The following MORN5 variants were observed in gnomAD, a reference collection of about 807,000 sequenced individuals.
MORN5 encodes MORN repeat-containing protein 5.
MORN5 carries 21 observed loss-of-function variants against 22.1 expected under a neutral mutation model. The observed-to-expected ratio is 0.95, with a 90% CI of 0.67 to 1.37. MORN5 has a LOEUF of 1.37. Ranked by LOEUF, MORN5 falls within the 40% of genes most tolerant of loss-of-function variation. The pLI is 0.00. For missense variants in MORN5, 211 were observed against 215.1 expected (o/e 0.98, Z 0.12); for synonymous variants, 73 against 74.0 (o/e 0.99, Z 0.07).
At chr9:122,167,039 C>A in intron 2 of MORN5, 124 bp downstream of exon 2, 6 of 788,126 alleles carry the variant, frequency 7.6e-6, no homozygotes, top group African/African-American at 3.7e-5. Context: ...CTCTTTGCTT[C>A]TCCCCCACTC....
At chr9:122,170,747 G>C in intron 3 of MORN5, among the ~76,000 whole-genome samples, 1 of 152,278 alleles carries the variant, frequency 6.6e-6, no homozygotes, top group East Asian at 1.9e-4. Context: ...TCTCATCATG[G>C]AGGGCTACAT....
chr9:122,187,223 G>T (rs1164049635), intron 4 of MORN5, among the ~76,000 whole-genome samples: 1 of 152,216 alleles, frequency 6.6e-6, no homozygotes, highest in Non-Finnish European at 1.5e-5. Flanking sequence ...AAAAGCAGGG[G>T]CCTCCTTAAC....
chr9:122,192,569 C>G (rs1416573952), intron 4 of MORN5, among the ~76,000 whole-genome samples: 1 of 152,220 alleles, frequency 6.6e-6, no homozygotes, highest in African/African-American at 2.4e-5. Context: ...ACTAATGTCA[C>G]CTGGTGACCT....
intron 4 of MORN5, among the ~76,000 whole-genome samples, chr9:122,196,676 T>G (rs1829899946): frequency 6.6e-6 from 1 of 152,198 alleles, no homozygotes; most frequent in Admixed American, 6.5e-5. Context: ...CAATACCCAT[T>G]AGTGAAAGAA....
chr9:122,163,614 G>GTTT (rs1829233619), intron 1 of MORN5, among the ~76,000 whole-genome samples: 1 of 152,216 alleles, frequency 6.6e-6, no homozygotes, highest in Non-Finnish European at 1.5e-5. Context: ...GGGCACGTAT[G>GTTT]GAGTAGAGCT....
At chr9:122,183,641 T>C (rs1303003552) in intron 4 of MORN5, among the ~76,000 whole-genome samples, 1 of 152,198 alleles carries the variant, frequency 6.6e-6, no homozygotes, top group African/African-American at 2.4e-5. Context: ...TCATCAGAAA[T>C]GCCGTCAAGA....
chr9:122,183,007 G>A (rs1038084051), intron 4 of MORN5, among the ~76,000 whole-genome samples: 1 of 152,318 alleles, frequency 6.6e-6, no homozygotes. Context: ...ATAGGGGCAT[G>A]TCTGATTTAT....
intron 4 of MORN5, among the ~76,000 whole-genome samples, chr9:122,183,788 C>T (rs1311701743): frequency 1.3e-5 from 2 of 152,232 alleles, no homozygotes; most frequent in African/African-American, 4.8e-5. Context: ...CTTAATCGTG[C>T]TGCTCTTCAA....
chr9:122,176,248 C>T (rs1829450433), intron 4 of MORN5, among the ~76,000 whole-genome samples: 1 of 152,108 alleles, frequency 6.6e-6, no homozygotes, highest in African/African-American at 2.4e-5. Flanking sequence ...CTCCAAGTCC[C>T]CCAGCTCACA....
intron 4 of MORN5, among the ~76,000 whole-genome samples, chr9:122,196,244 C>G (rs1588320581): frequency 6.6e-6 from 1 of 152,034 alleles, no homozygotes; most frequent in African/African-American, 2.4e-5. Flanking sequence ...CAGTTATGAG[C>G]CACCACGCCC....
chr9:122,187,288 C>T (rs1048523974), intron 4 of MORN5, among the ~76,000 whole-genome samples: 12 of 152,236 alleles, frequency 7.9e-5, no homozygotes, highest in African/African-American at 2.4e-4. Context: ...AGTCTGGCCT[C>T]CTCCCATCTG....
intron 1 of MORN5, among the ~76,000 whole-genome samples, chr9:122,161,381 G>A (rs1829196955): frequency 6.6e-6 from 1 of 152,228 alleles, no homozygotes; most frequent in African/African-American, 2.4e-5. Flanking sequence ...TTCCAGGTAA[G>A]AAAGGTGACC....
rs551394087 is a variant in MORN5 at position 122,170,733 on chromosome 9, C to T, written c.307+977C>T. Reference sequence around the variant, plus strand: ...TATCATGCTACCTCCCTGCAAAAACCGTGTCTCATCATGGAGGGCTACATT... The same window carrying T: ...TATCATGCTACCTCCCTGCAAAAACTGTGTCTCATCATGGAGGGCTACATT... On this transcript the variant is annotated intron_variant, in intron 3 of 4. Transcript: ENST00000373764. 3.9e-5 allele frequency among the ~76,000 whole-genome samples: 6 copies of T among 152,296 alleles called. No homozygotes were observed. In the South Asian group the frequency reaches 6.2e-4, roughly 16 times the overall value.
chr9:122,160,331 C>T (rs925943141), intron 1 of MORN5, among the ~76,000 whole-genome samples: 1 of 152,032 alleles, frequency 6.6e-6, no homozygotes, highest in Non-Finnish European at 1.5e-5. Context: ...TGCCAATAAA[C>T]AAATAAGTGA....
chr9:122,199,108 G>A (rs921533519), intron 4 of MORN5, among the ~76,000 whole-genome samples: 5 of 152,152 alleles, frequency 3.3e-5, no homozygotes, highest in African/African-American at 7.2e-5. Flanking sequence ...TGATGGCAGC[G>A]TGCTGTGGAC....
intron 1 of MORN5, among the ~76,000 whole-genome samples, chr9:122,162,781 T>C (rs925982986): frequency 6.6e-6 from 1 of 152,150 alleles, no homozygotes; most frequent in Non-Finnish European, 1.5e-5. Flanking sequence ...AAATCTATGG[T>C]GACAGAAAGT....
intron 4 of MORN5, among the ~76,000 whole-genome samples, chr9:122,184,710 C>T (rs538203234): frequency 2.0e-5 from 3 of 152,340 alleles, no homozygotes; most frequent in African/African-American, 7.2e-5. Context: ...TTAATCTCCA[C>T]AGTAACCCTG....
At chr9:122,175,690 T>C (rs1645724449) in intron 4 of MORN5, 2 of 985,384 alleles carry the variant, frequency 2.0e-6, no homozygotes, top group Non-Finnish European at 1.2e-6. Context: ...GAAACCTTGC[T>C]CTATAATGAG....
At position 122,192,077 on chromosome 9, in the gene MORN5, C is replaced by T. The variant is rs1008404623; in HGVS notation, c.440-7808C>T. Among the ~76,000 whole-genome samples, 20 of 152,220 alleles carry T rather than the reference C, an allele frequency of 1.3e-4. 1 individual carries two copies. The highest frequency in any genetic ancestry group is 4.8e-4 in the African/African-American group (20 of 41,444). On this transcript the variant is annotated intron_variant, in intron 4 of 4. Transcript: ENST00000373764. ...GCAGAAAGTCTGGTGAAACCTGCTA[C>T]AAAGACGAGGAGGGTGGCTCAGAGA... is the stretch of plus-strand genomic sequence containing the variant.
Sources: allele counts gnomAD v4.1 joint callset (sites outside exome capture counted in the v4.1 genomes callset), GRCh38; gene constraint gnomAD v4.1.1; transcripts MANE v1.5; gene names NCBI Gene and HGNC (gene_info 2026-07-23, HGNC 2026-07-21).